Variants in NBEA observed in about 807,000 individuals in gnomAD.
NBEA encodes neurobeachin, also known as lysosomal-trafficking regulator 2.
In NBEA, 44 loss-of-function variants were observed where a neutral mutation model predicts 343.4. The observed-to-expected ratio is 0.13, with a 90% CI of 0.10 to 0.16. The LOEUF is 0.16. Ranked by LOEUF, NBEA falls within the 10% of genes least tolerant of loss-of-function variation. NBEA has a pLI of 1.00. For missense variants in NBEA, 2,555 were observed against 3,631.3 expected, an observed-to-expected ratio of 0.70 and a Z score of 7.62; for synonymous variants, 1,175 against 1,238.7, an observed-to-expected ratio of 0.95 and a Z score of 1.08.
chr13:35,393,666 G>A (rs769839266), intron 38 of NBEA, among the ~76,000 whole-genome samples: 14 of 151,810 alleles, frequency 9.2e-5, no homozygotes, highest in Non-Finnish European at 1.5e-4. Context: ...TATGTAAATG[G>A]TACCAATGAT....
chr13:35,126,025 G>A (rs55778218), intron 17 of NBEA, among the ~76,000 whole-genome samples: 7,088 of 152,186 alleles, frequency 0.047, 211 homozygotes, highest in South Asian at 0.067. Flanking sequence ...TTAACATAGT[G>A]ATATGGTTTG....
Position 35,159,606 on chromosome 13 carries a change from A to G in NBEA, c.3435A>G (p.Ser1145=), listed in dbSNP as rs1378436069. The stretch of plus-strand genomic sequence containing the variant: ...AAGACCTTCCCAATAGTAGTACATC[A>G]TTTCTCTTTGATAAAATACCCAAAC... ...EKEDLPNSST[S]FLFDKIPKQE... is the part of the protein sequence containing the mutation. Residue 1145 remains serine, a synonymous_variant, in exon 22 of 59, where the codon TCA becomes TCG. Coordinates refer to ENST00000379939, the MANE Select transcript of NBEA (RefSeq NM_001385012.1). The G allele has an allele frequency of 6.2e-7, 1 of 1,611,768 alleles. No homozygotes were observed. Among genetic ancestry groups the G allele is most frequent in the Non-Finnish European group, 8.5e-7 (1 of 1,178,974 alleles).
intron 6 of NBEA, among the ~76,000 whole-genome samples, chr13:35,054,643 C>CTTTTTT (rs1186551019): frequency 1.4e-3 from 169 of 117,426 alleles, no homozygotes; most frequent in Middle Eastern, 5.1e-3. Flanking sequence ...GTTTTCTTTT[C>CTTTTTT]TTTTTTTTTT....
intron 48 of NBEA, among the ~76,000 whole-genome samples, chr13:35,620,006 A>G (rs1257350895): frequency 1.3e-5 from 2 of 152,158 alleles, no homozygotes; most frequent in East Asian, 3.9e-4. Context: ...CTCTGGGAAC[A>G]CAAGGATGAG....
chr13:35,361,697 A>AT (rs1413938776), intron 38 of NBEA, among the ~76,000 whole-genome samples: 2 of 152,156 alleles, frequency 1.3e-5, no homozygotes, highest in Non-Finnish European at 2.9e-5. Flanking sequence ...AATTAAAAAC[A>AT]TTTTTTCTGT....
intron 1 of NBEA, among the ~76,000 whole-genome samples, chr13:35,040,350 C>G (rs2062604052): frequency 6.6e-6 from 1 of 151,848 alleles, no homozygotes; most frequent in Non-Finnish European, 1.5e-5. Context: ...AATCAGCTTT[C>G]TTTTACCCAA....
At chr13:35,426,693 G>T (rs1278574433) in intron 38 of NBEA, among the ~76,000 whole-genome samples, 1 of 152,148 alleles carries the variant, frequency 6.6e-6, no homozygotes, top group African/African-American at 2.4e-5. Context: ...ATGTTGGCCT[G>T]CCTTGCTAGG....
At chr13:35,571,087 C>T (rs995886856) in intron 45 of NBEA, among the ~76,000 whole-genome samples, 2 of 152,112 alleles carry the variant, frequency 1.3e-5, no homozygotes, top group Non-Finnish European at 2.9e-5. Context: ...CACTGGGACT[C>T]CTGATCCCAG....
chr13:34,996,288 G>T (rs916314652), intron 1 of NBEA, among the ~76,000 whole-genome samples: 40 of 152,134 alleles, frequency 2.6e-4, no homozygotes, highest in African/African-American at 8.9e-4. Flanking sequence ...AAAATTTTTA[G>T]AAAACTGTTG....
chr13:35,171,248 C>T (rs1300003674), intron 25 of NBEA, 24 bp from the exon 26 acceptor site: 1 of 1,599,122 alleles, frequency 6.3e-7, no homozygotes, highest in Non-Finnish European at 8.5e-7. Flanking sequence ...TTAAACAAGA[C>T]TTAAATCTTC....
intron 41 of NBEA, among the ~76,000 whole-genome samples, chr13:35,473,340 T>G (rs1051320114): frequency 1.3e-5 from 2 of 152,216 alleles, no homozygotes; most frequent in Non-Finnish European, 2.9e-5. Flanking sequence ...TCTAGCATCA[T>G]TTTGCAAAGA....
chr13:35,615,584 A>T (rs2082704056), intron 48 of NBEA, among the ~76,000 whole-genome samples: 1 of 152,080 alleles, frequency 6.6e-6, no homozygotes, highest in African/African-American at 2.4e-5. Context: ...ACCTCAGGTG[A>T]TCCGCCTGCC....
chr13:35,644,542 T>C (rs367581123), intron 49 of NBEA, among the ~76,000 whole-genome samples: 2 of 152,296 alleles, frequency 1.3e-5, no homozygotes, highest in East Asian at 1.9e-4. Context: ...GATTAAAACA[T>C]GTTTAATTTT....
At chr13:35,325,487 T>A (rs980702939) in intron 36 of NBEA, among the ~76,000 whole-genome samples, 7 of 151,958 alleles carry the variant, frequency 4.6e-5, no homozygotes, top group Non-Finnish European at 7.4e-5. Context: ...GAGGAGGTAA[T>A]GCTTTATAGT....
At chr13:35,607,396 A>G (rs1229474134) in intron 48 of NBEA, among the ~76,000 whole-genome samples, 2 of 152,194 alleles carry the variant, frequency 1.3e-5, no homozygotes, top group African/African-American at 4.8e-5. Context: ...GAATGTTCAC[A>G]TATGGGAATT....
chr13:35,247,542 C>A (rs1276486113), intron 34 of NBEA, among the ~76,000 whole-genome samples: 1 of 152,042 alleles, frequency 6.6e-6, no homozygotes, highest in Non-Finnish European at 1.5e-5. Flanking sequence ...TTCCAGTGAT[C>A]TAGACCCTCA....
At chr13:35,069,794 G>A (rs1295718092) in intron 8 of NBEA, 114 bp from the exon 9 acceptor site, 1 of 621,486 alleles carries the variant, frequency 1.6e-6, no homozygotes, top group Non-Finnish European at 2.6e-6. Flanking sequence ...AATAGTCCCT[G>A]ACACATGAAA....
intron 17 of NBEA, among the ~76,000 whole-genome samples, chr13:35,123,826 T>C (rs1053106172): frequency 2.6e-5 from 4 of 152,142 alleles, no homozygotes; most frequent in Admixed American, 2.0e-4. Flanking sequence ...TTATCTATTC[T>C]GAAGATGTAA....
At chr13:35,400,433 TTA>T (rs1194510993) in intron 38 of NBEA, among the ~76,000 whole-genome samples, 2 of 151,972 alleles carry the variant, frequency 1.3e-5, no homozygotes, top group African/African-American at 4.8e-5. Context: ...CTCAGAAAAA[TTA>T]TCTTATTGAG....
Sources: gnomAD v4.1 joint callset for allele counts (sites outside exome capture counted in the v4.1 genomes callset) on GRCh38, gnomAD v4.1.1 for gene constraint, MANE v1.5 for transcripts, NCBI Gene and HGNC (gene_info 2026-07-23, HGNC 2026-07-21) for gene names.